HECW1: variants seen among roughly 807,000 people sequenced by gnomAD.
HECW1 encodes HECT, C2 and WW domain containing E3 ubiquitin protein ligase 1.
HECW1 carries 61 observed loss-of-function variants against 182.3 expected under a neutral mutation model. The observed-to-expected ratio is 0.33, with a 90% CI of 0.27 to 0.41. The LOEUF (loss-of-function observed/expected upper bound fraction) is 0.41. Among genes scored for constraint, HECW1 ranks in the 10% least tolerant of loss-of-function variants. The probability of loss-of-function intolerance (pLI) is 1.00; values close to 1 mark genes in which losing one functional copy is unlikely to be tolerated. For synonymous variants in HECW1, 859 were observed against 832.6 expected (o/e 1.03, Z -0.55); for missense variants, 1,739 against 2,108.9 (o/e 0.82, Z 3.44).
intron 3 of HECW1, among the ~76,000 whole-genome samples, chr7:43,285,444 G>T (rs1804513951): frequency 6.6e-6 from 1 of 152,218 alleles, no homozygotes; most frequent in African/African-American, 2.4e-5. Flanking sequence ...GATCTCTGAA[G>T]TTCATGAGTC....
At chr7:43,561,188 T>C (rs747634443) in intron 29 of HECW1, among the ~76,000 whole-genome samples, 2 of 152,182 alleles carry the variant, frequency 1.3e-5, no homozygotes, top group Non-Finnish European at 2.9e-5. Flanking sequence ...AGGAAGCACA[T>C]GAAGCAAGCT....
chr7:43,320,976 A>T (rs1313994007), intron 5 of HECW1, among the ~76,000 whole-genome samples: 1 of 152,172 alleles, frequency 6.6e-6, no homozygotes, highest in Admixed American at 6.5e-5. Context: ...ACCAAGAAAG[A>T]GTTGGTTCCT....
intron 2 of HECW1, among the ~76,000 whole-genome samples, chr7:43,159,208 A>C (rs1790228692): frequency 6.7e-6 from 1 of 148,628 alleles, no homozygotes; most frequent in Admixed American, 6.7e-5. Flanking sequence ...TTATACTTTA[A>C]GTTCTAGGGT....
chr7:43,525,636 T>C (rs765722067), intron 24 of HECW1, among the ~76,000 whole-genome samples: 55 of 152,182 alleles, frequency 3.6e-4, no homozygotes, highest in African/African-American at 1.0e-3. Flanking sequence ...ACAATCCTAA[T>C]CAAATTGAGA....
chr7:43,410,010 C>T (rs933651586), intron 8 of HECW1, among the ~76,000 whole-genome samples: 3 of 152,152 alleles, frequency 2.0e-5, no homozygotes, highest in Non-Finnish European at 4.4e-5. Flanking sequence ...CAGGCGGTGC[C>T]GCTGCTGAGT....
chr7:43,128,078 C>T (rs962855299), intron 2 of HECW1, among the ~76,000 whole-genome samples: 1 of 152,114 alleles, frequency 6.6e-6, no homozygotes. Context: ...TGAGGTTTCA[C>T]TATGTTACCC....
At chr7:43,288,211 G>A (rs1192777018) in intron 3 of HECW1, among the ~76,000 whole-genome samples, 1 of 152,172 alleles carries the variant, frequency 6.6e-6, no homozygotes, top group Non-Finnish European at 1.5e-5. Context: ...AATGAGAAGA[G>A]GAGGGGAATT....
At chr7:43,513,052 C>T (rs1585145999) in intron 24 of HECW1, among the ~76,000 whole-genome samples, 1 of 152,288 alleles carries the variant, frequency 6.6e-6, no homozygotes, top group East Asian at 1.9e-4. Context: ...TAGCACAACA[C>T]CTGGCACTTT....
chr7:43,375,417 T>G (rs1352047258), intron 6 of HECW1, among the ~76,000 whole-genome samples: 1 of 152,102 alleles, frequency 6.6e-6, no homozygotes, highest in Non-Finnish European at 1.5e-5. Flanking sequence ...GATTTCAGGA[T>G]TGCGAAAATT....
intron 5 of HECW1, among the ~76,000 whole-genome samples, chr7:43,334,830 A>G (rs1811922009): frequency 6.6e-6 from 1 of 152,182 alleles, no homozygotes; most frequent in South Asian, 2.1e-4. Context: ...CAAATAGTCT[A>G]CCCTCTACCA....
intron 2 of HECW1, among the ~76,000 whole-genome samples, chr7:43,211,165 A>G (rs1386647475): frequency 6.6e-6 from 1 of 152,176 alleles, no homozygotes; most frequent in East Asian, 1.9e-4. Flanking sequence ...TTAGAGGTGG[A>G]TGCGGTCACC....
rs199925925 is a variant in HECW1 at position 43,523,212 on chromosome 7, C to CG, written c.4019+14099dup. 1,599 of 233,510 alleles carry CG rather than the reference C, an allele frequency of 6.8e-3. 30 individuals are homozygous for CG. Among genetic ancestry groups the CG allele is most frequent in the African/African-American group, 0.034 (1,418 of 41,274 alleles). 14.5% of individuals were successfully genotyped at this position (233,510 alleles called of 1,614,324 possible). On this transcript the variant is annotated intron_variant, in intron 24 of 29. Transcript: ENST00000395891. Reference sequence around the variant, plus strand: ...ACATAAGGGGTTTCTCCATGTTGGCCGGGGGGGGTCTCGAACTCCTGACCT... The same window carrying CG: ...ACATAAGGGGTTTCTCCATGTTGGCCGGGGGGGGGTCTCGAACTCCTGACCT...
intron 3 of HECW1, among the ~76,000 whole-genome samples, chr7:43,299,384 G>A (rs762816119): frequency 1.4e-4 from 22 of 152,146 alleles, no homozygotes; most frequent in Admixed American, 2.0e-4. Flanking sequence ...ATGGTCACGG[G>A]CATCTAAGCA....
chr7:43,474,917 G>T (rs1043085160), intron 16 of HECW1, among the ~76,000 whole-genome samples: 1 of 152,140 alleles, frequency 6.6e-6, no homozygotes, highest in Non-Finnish European at 1.5e-5. Flanking sequence ...ACTCATATGA[G>T]GAACCTAGAA....
intron 3 of HECW1, among the ~76,000 whole-genome samples, chr7:43,260,212 G>A (rs1304819161): frequency 6.6e-6 from 1 of 152,212 alleles, no homozygotes; most frequent in Non-Finnish European, 1.5e-5. Context: ...ATGCTCTGAG[G>A]ACAGATAATA....
chr7:43,498,423 T>C (rs1428850351), intron 19 of HECW1, among the ~76,000 whole-genome samples: 3 of 152,256 alleles, frequency 2.0e-5, no homozygotes, highest in African/African-American at 4.8e-5. Flanking sequence ...TACATTATCA[T>C]TGGGAGAGCA....
rs1786928398 is a variant in HECW1, at chr7:43,131,656, T to C, written c.-32+17265T>C. On this transcript the variant is annotated intron_variant, in intron 2 of 29. Coordinates refer to ENST00000395891, the MANE Select transcript of HECW1 (RefSeq NM_015052.5). ...TTTTCAGGAAAGTTGTAACAACATA[T>C]ATTGTATTCCAACCCTCTATGAAGG... 2.0e-5 allele frequency among the ~76,000 whole-genome samples: 3 copies of C among 152,314 alleles called. No individual in the cohort carries two copies. In the South Asian group the frequency reaches 6.2e-4, roughly 32 times the overall value.
chr7:43,439,287 A>G (rs1183536013), intron 9 of HECW1: 1 of 152,204 alleles, frequency 6.6e-6, no homozygotes, highest in Non-Finnish European at 1.5e-5. Context: ...CTGCACGAGG[A>G]AACAAGGCTT....
chr7:43,304,972 C>T (rs1807367616), intron 3 of HECW1, among the ~76,000 whole-genome samples: 1 of 152,330 alleles, frequency 6.6e-6, no homozygotes, highest in East Asian at 1.9e-4. Flanking sequence ...CTCATTCAGG[C>T]TCTGATCGAA....
Sources: allele counts gnomAD v4.1 joint callset (sites outside exome capture counted in the v4.1 genomes callset), GRCh38; gene constraint gnomAD v4.1.1; transcripts MANE v1.5; gene names NCBI Gene and HGNC (gene_info 2026-07-23, HGNC 2026-07-21).